Variants in PTPRG observed in about 807,000 individuals in gnomAD.
PTPRG encodes protein tyrosine phosphatase receptor type G, also known as receptor-type tyrosine-protein phosphatase gamma.
Under a neutral mutation model 165.3 loss-of-function variants are expected in PTPRG, and 102 were observed. That is an observed-to-expected ratio of 0.62 (90% CI 0.53 to 0.73). PTPRG has a LOEUF of 0.73. PTPRG is among the 30% of genes least tolerant of loss of function. The pLI, the probability that PTPRG is intolerant of heterozygous loss-of-function variation, is 0.00. For missense variants in PTPRG, 1,866 were observed against 1,861.4 expected (o/e 1.00, Z -0.05); for synonymous variants, 675 against 669.5 (o/e 1.01, Z -0.13).
At chr3:61,783,225 A>C (rs9816334) in intron 2 of PTPRG, among the ~76,000 whole-genome samples, 6,008 of 152,236 alleles carry the variant, frequency 0.039, 309 homozygotes, top group African/African-American at 0.12. Flanking sequence ...CTATAGTCCT[A>C]GCTAATTGGG....
intron 5 of PTPRG, among the ~76,000 whole-genome samples, chr3:62,129,766 A>G (rs1160848588): frequency 2.0e-5 from 3 of 152,192 alleles, no homozygotes; most frequent in African/African-American, 4.8e-5. Context: ...CCCCCTGACT[A>G]TAAAATATTC....
intron 28 of PTPRG, among the ~76,000 whole-genome samples, chr3:62,287,682 G>A (rs1232337080): frequency 2.0e-5 from 3 of 152,072 alleles, no homozygotes; most frequent in Non-Finnish European, 4.4e-5. Flanking sequence ...ACAGAATAAA[G>A]TATTCAGTTC....
chr3:62,143,168 C>G (rs1249455407), intron 6 of PTPRG, among the ~76,000 whole-genome samples: 1 of 152,206 alleles, frequency 6.6e-6, no homozygotes, highest in Non-Finnish European at 1.5e-5. Context: ...ACATATTGAA[C>G]AGGACCATAA....
chr3:61,761,989 G>GT (rs1168549327), intron 2 of PTPRG, among the ~76,000 whole-genome samples: 2 of 152,062 alleles, frequency 1.3e-5, no homozygotes, highest in African/African-American at 4.8e-5. Flanking sequence ...GTATTGATTG[G>GT]TCATTGAGAG....
In PTPRG at chr3:62,277,591, CTCTGCCACAT is replaced by C. The variant is rs1258885986; in HGVS notation, c.3678_3687del (p.Pro1228ArgfsTer7). 2 of 1,612,388 alleles carry C rather than the reference CTCTGCCACAT, an allele frequency of 1.2e-6. No homozygotes were observed. Among genetic ancestry groups the C allele is most frequent in the Non-Finnish European group, 1.7e-6 (2 of 1,179,224 alleles). Reference sequence around the variant, plus strand: ...AATGAATTTATTATAACTCAGCATCCTCTGCCACATACTACGAAAGATTTCTGGCGAATGA... The same window carrying C: ...AATGAATTTATTATAACTCAGCATCCACTACGAAAGATTTCTGGCGAATGA... On this transcript the variant is annotated frameshift_variant, in exon 26 of 30. Transcript: ENST00000474889. LOFTEE classifies it high-confidence loss of function.
intron 8 of PTPRG, among the ~76,000 whole-genome samples, chr3:62,168,577 T>C (rs922089407): frequency 6.6e-6 from 1 of 152,176 alleles, no homozygotes; most frequent in African/African-American, 2.4e-5. Flanking sequence ...GGAATGTGGC[T>C]CATCTGTTCA....
chr3:61,679,853 A>T (rs1271546632), intron 1 of PTPRG, among the ~76,000 whole-genome samples: 3 of 152,178 alleles, frequency 2.0e-5, no homozygotes, highest in African/African-American at 4.8e-5. Flanking sequence ...CCTGAGGTTC[A>T]CAGGGTTTAA....
chr3:61,686,974 A>AAT (rs1420558579), intron 1 of PTPRG, among the ~76,000 whole-genome samples: 1 of 152,186 alleles, frequency 6.6e-6, no homozygotes, highest in Non-Finnish European at 1.5e-5. Flanking sequence ...TGATTTATAG[A>AAT]ATATATACAT....
At chr3:61,909,911 A>C (rs1575775320) in intron 2 of PTPRG, among the ~76,000 whole-genome samples, 1 of 152,202 alleles carries the variant, frequency 6.6e-6, no homozygotes, top group Non-Finnish European at 1.5e-5. Context: ...TTTGGACATC[A>C]GGTTCAGAGA....
intron 4 of PTPRG, among the ~76,000 whole-genome samples, chr3:62,050,090 G>T (rs1216808505): frequency 1.3e-5 from 2 of 152,122 alleles, no homozygotes; most frequent in African/African-American, 4.8e-5. Flanking sequence ...GTTAAAAGAG[G>T]TGCAATAGGT....
At chr3:62,158,996 CCT>C (rs941497036) in intron 7 of PTPRG, among the ~76,000 whole-genome samples, 4 of 151,338 alleles carry the variant, frequency 2.6e-5, no homozygotes, top group African/African-American at 9.7e-5. Flanking sequence ...TTTTCAAGAT[CCT>C]TTTTTGTCAG....
At chr3:61,824,098 A>C (rs1314920845) in intron 2 of PTPRG, among the ~76,000 whole-genome samples, 1 of 152,120 alleles carries the variant, frequency 6.6e-6, no homozygotes, top group Non-Finnish European at 1.5e-5. Flanking sequence ...CACTCCATTC[A>C]GCCTGGGCGA....
At chr3:62,275,515 A>T (rs917342788) in intron 23 of PTPRG, among the ~76,000 whole-genome samples, 6 of 152,204 alleles carry the variant, frequency 3.9e-5, no homozygotes, top group African/African-American at 1.4e-4. Context: ...AGGAAAGCAC[A>T]AGAGTGTTCT....
chr3:61,729,851 A>G (rs2106829291), intron 1 of PTPRG, among the ~76,000 whole-genome samples: 1 of 152,272 alleles, frequency 6.6e-6, no homozygotes, highest in East Asian at 1.9e-4. Flanking sequence ...ATGTGCTTCT[A>G]TAGTGAATAT....
chr3:61,866,864 T>C (rs1453619432), intron 2 of PTPRG, among the ~76,000 whole-genome samples: 1 of 152,180 alleles, frequency 6.6e-6, no homozygotes, highest in Non-Finnish European at 1.5e-5. Flanking sequence ...GCCAAAGTGC[T>C]GGGATTACAG....
intron 2 of PTPRG, among the ~76,000 whole-genome samples, chr3:61,942,136 C>T (rs561364872): frequency 2.4e-4 from 34 of 143,790 alleles, no homozygotes; most frequent in Admixed American, 8.5e-4. Flanking sequence ...CCAGCCTGGG[C>T]AATAGGGCGA....
chr3:62,289,899 CAGAAGATAGA>C, intron 28 of PTPRG, among the ~76,000 whole-genome samples: 1 of 151,958 alleles, frequency 6.6e-6, no homozygotes, highest in Non-Finnish European at 1.5e-5. Flanking sequence ...ACAGTAAAAG[CAGAAGATAGA>C]AGAAGCGTAA....
At chr3:62,100,360 C>G (rs1702247614) in intron 5 of PTPRG, among the ~76,000 whole-genome samples, 1 of 152,104 alleles carries the variant, frequency 6.6e-6, no homozygotes, top group African/African-American at 2.4e-5. Flanking sequence ...TTGGTTATTA[C>G]AACATAATGC....
chr3:61,703,162 T>C (rs554239639), intron 1 of PTPRG, among the ~76,000 whole-genome samples: 50 of 151,804 alleles, frequency 3.3e-4, no homozygotes, highest in Admixed American at 1.3e-3. Context: ...TTTTTTTTTT[T>C]CCCCCTGTAT....
Sources: allele counts gnomAD v4.1 joint callset (sites outside exome capture counted in the v4.1 genomes callset), GRCh38; gene constraint gnomAD v4.1.1; transcripts MANE v1.5; gene names NCBI Gene and HGNC (gene_info 2026-07-23, HGNC 2026-07-21).